CDK17: variants seen among roughly 807,000 people sequenced by gnomAD.
CDK17 encodes cyclin-dependent kinase 17.
CDK17 carries 24 observed loss-of-function variants against 77.6 expected under a neutral mutation model. That is an observed-to-expected ratio of 0.31 (90% CI 0.22 to 0.44). The LOEUF (loss-of-function observed/expected upper bound fraction) is 0.44, where lower values mean the gene tolerates loss of function less well. Ranked by LOEUF, CDK17 falls within the 20% of genes least tolerant of loss-of-function variation. CDK17 has a pLI of 1.00. For missense variants in CDK17, 429 were observed against 622.5 expected, an observed-to-expected ratio of 0.69 and a Z score of 3.31; for synonymous variants, 203 against 210.4, an observed-to-expected ratio of 0.96 and a Z score of 0.30.
intron 1 of CDK17, among the ~76,000 whole-genome samples, chr12:96,392,920 T>C (rs1316158399): frequency 6.6e-6 from 1 of 152,186 alleles, no homozygotes; most frequent in East Asian, 1.9e-4. Context: ...GTTACAATAT[T>C]GCCACATTAA....
chr12:96,340,687 C>T (rs1311713326), intron 1 of CDK17, among the ~76,000 whole-genome samples: 6 of 152,154 alleles, frequency 3.9e-5, no homozygotes, highest in African/African-American at 1.4e-4. Context: ...AAAACTACTA[C>T]TTACACTGGC....
At chr12:96,381,339 C>T (rs894299081) in intron 1 of CDK17, among the ~76,000 whole-genome samples, 3 of 146,198 alleles carry the variant, frequency 2.1e-5, no homozygotes, top group African/African-American at 7.7e-5. Flanking sequence ...ATTGTTTCAT[C>T]CCATGTACAA....
intron 1 of CDK17, among the ~76,000 whole-genome samples, chr12:96,351,398 A>G (rs1281661267): frequency 6.6e-6 from 1 of 152,220 alleles, no homozygotes; most frequent in Non-Finnish European, 1.5e-5. Flanking sequence ...CACAACAGCC[A>G]AAAGGTGAAA....
chr12:96,281,839 A>T (rs954565563), intron 15 of CDK17: 16 of 152,380 alleles, frequency 1.1e-4, no homozygotes, highest in African/African-American at 3.8e-4. Context: ...TTGATGAATC[A>T]ATATTGTCTA....
intron 3 of CDK17, 39 bp downstream of exon 3, chr12:96,323,909 A>G: frequency 6.8e-7 from 1 of 1,467,260 alleles, no homozygotes; most frequent in Non-Finnish European, 9.2e-7. Flanking sequence ...ATGACGTATA[A>G]TCAGAAAGGT....
intron 1 of CDK17, among the ~76,000 whole-genome samples, chr12:96,386,098 C>T: frequency 6.6e-6 from 1 of 152,230 alleles, no homozygotes. Context: ...CAGCTCACTG[C>T]AGACTTTACC....
intron 3 of CDK17, among the ~76,000 whole-genome samples, chr12:96,323,207 T>C (rs1480354465): frequency 1.3e-5 from 2 of 150,466 alleles, no homozygotes; most frequent in Non-Finnish European, 1.5e-5. Flanking sequence ...CTGAGGCAAG[T>C]GGATCACTTG....
intron 1 of CDK17, among the ~76,000 whole-genome samples, chr12:96,384,065 A>G (rs1399353317): frequency 2.0e-5 from 3 of 152,198 alleles, no homozygotes; most frequent in African/African-American, 7.2e-5. Flanking sequence ...ACAAGAAAAA[A>G]AAAATCCCAT....
chr12:96,328,801 G>T (rs759619558), intron 2 of CDK17, among the ~76,000 whole-genome samples: 1 of 152,090 alleles, frequency 6.6e-6, no homozygotes, highest in African/African-American at 2.4e-5. Flanking sequence ...TCAGACTTAG[G>T]AGTAGTCAAC....
intron 1 of CDK17, among the ~76,000 whole-genome samples, chr12:96,387,715 G>A (rs548706731): frequency 6.6e-6 from 1 of 152,244 alleles, no homozygotes; most frequent in South Asian, 2.1e-4. Flanking sequence ...GCCGAGGCTC[G>A]AGAATCACTT....
intron 1 of CDK17, among the ~76,000 whole-genome samples, chr12:96,345,520 C>T (rs978252125): frequency 1.3e-5 from 2 of 152,092 alleles, no homozygotes; most frequent in African/African-American, 2.4e-5. Flanking sequence ...AATCGCCATT[C>T]GACTGGTGTG....
Position 96,299,098 on chromosome 12 carries a change from A to G in CDK17, c.601-115T>C, listed in dbSNP as rs1288789663. On this transcript the variant is annotated intron_variant, in intron 6 of 16. Coordinates refer to ENST00000261211, the MANE Select transcript of CDK17 (RefSeq NM_002595.5). ...TAGTTTCTAAGCATTGTTAAGTTCCATCTTGCAAAGAAAAACACACAATGA... is the reference window on the plus strand; with the variant it reads ...TAGTTTCTAAGCATTGTTAAGTTCCGTCTTGCAAAGAAAAACACACAATGA... 27 of 570,754 alleles carry G rather than the reference A, an allele frequency of 4.7e-5. 1 individual carries two copies. The highest frequency in any genetic ancestry group is 7.0e-5 in the Non-Finnish European group (23 of 330,438). The allele number at this position is 570,754 out of a possible 1,614,324, so 35.4% of individuals were successfully genotyped here.
At chr12:96,322,403 A>G (rs767276841) in intron 3 of CDK17, among the ~76,000 whole-genome samples, 4 of 151,792 alleles carry the variant, frequency 2.6e-5, no homozygotes, top group Non-Finnish European at 5.9e-5. Context: ...TGTTTTTTGT[A>G]TTTTTAAAGG....
At chr12:96,288,905 T>C (rs1489290557) in intron 11 of CDK17, among the ~76,000 whole-genome samples, 1 of 152,204 alleles carries the variant, frequency 6.6e-6, no homozygotes, top group Non-Finnish European at 1.5e-5. Flanking sequence ...AAAGTAGTTA[T>C]TGTTACTATT....
In CDK17 at chr12:96,313,395, T is replaced by A. The variant is rs1255684797; in HGVS notation, c.343A>T (p.Thr115Ser). The A allele has an allele frequency of 3.1e-6, 5 of 1,600,060 alleles. No individual in the cohort carries two copies. The highest frequency in any genetic ancestry group is 4.3e-6 in the Non-Finnish European group (5 of 1,173,912). Residue 115 changes from threonine (T) to serine (S), a missense_variant, in exon 4 of 17, where the codon ACA becomes TCA. Coordinates refer to ENST00000261211, the MANE Select transcript of CDK17 (RefSeq NM_002595.5). ...GGTGACTGGACTTCATCAGATGATG[T>A]CCCAGAAGCTTGGTCACTCTCACCA... ...SDGESDQASG[T>S]SSDEVQSPTG...
At chr12:96,296,426 T>A (rs913198712) in intron 9 of CDK17, among the ~76,000 whole-genome samples, 5 of 152,258 alleles carry the variant, frequency 3.3e-5, no homozygotes, top group Non-Finnish European at 7.3e-5. Context: ...GTTATCCATA[T>A]GTTCTGAGCT....
chr12:96,376,972 T>C (rs930452879), intron 1 of CDK17, among the ~76,000 whole-genome samples: 3 of 152,202 alleles, frequency 2.0e-5, no homozygotes, highest in African/African-American at 7.2e-5. Context: ...TTCCATTTAC[T>C]ATAATAATCA....
At chr12:96,347,609 AGGGGAAG>A (rs1565830153) in intron 1 of CDK17, among the ~76,000 whole-genome samples, 200 of 16,084 alleles carry the variant, frequency 0.012, 5 homozygotes, top group African/African-American at 0.037. Context: ...AGGGGAAGGG[AGGGGAAG>A]GGAGGGGAAG....
At chr12:96,332,903 A>G (rs1365571548) in intron 2 of CDK17, among the ~76,000 whole-genome samples, 4 of 152,230 alleles carry the variant, frequency 2.6e-5, no homozygotes, top group African/African-American at 9.6e-5. Flanking sequence ...ATACCAAAAT[A>G]TTCTAGAAAA....
Sources: allele counts gnomAD v4.1 joint callset (sites outside exome capture counted in the v4.1 genomes callset), GRCh38; gene constraint gnomAD v4.1.1; transcripts MANE v1.5; gene names NCBI Gene and HGNC (gene_info 2026-07-23, HGNC 2026-07-21).